The following ALMS1 variants were observed in gnomAD, a reference collection of about 807,000 sequenced individuals.
The protein encoded by ALMS1 is centrosome-associated protein ALMS1.
In ALMS1, 271 loss-of-function variants were observed where a neutral mutation model predicts 352.2. The observed-to-expected ratio is 0.77, with a 90% CI of 0.70 to 0.85. The LOEUF is 0.85. ALMS1 is among the 40% of genes least tolerant of loss of function. The pLI is 0.00. For synonymous variants in ALMS1, 1,865 were observed against 1,761.2 expected (o/e 1.06, Z -1.48); for missense variants, 5,445 against 4,870.7 (o/e 1.12, Z -3.51).
At chr2:73,523,812 G>C (rs1673734904) in intron 11 of ALMS1, among the ~76,000 whole-genome samples, 2 of 152,036 alleles carry the variant, frequency 1.3e-5, no homozygotes, top group South Asian at 4.2e-4. Flanking sequence ...CCAGAGGAGA[G>C]CTCATTCTAC....
At chr2:73,389,570 T>C (rs564333548) in intron 1 of ALMS1, among the ~76,000 whole-genome samples, 3 of 152,310 alleles carry the variant, frequency 2.0e-5, no homozygotes, top group African/African-American at 7.2e-5. Context: ...ATCTTTAATC[T>C]ATCTTGAGTT....
At chr2:73,430,265 A>T (rs1452681960) in intron 6 of ALMS1, among the ~76,000 whole-genome samples, 1 of 151,728 alleles carries the variant, frequency 6.6e-6, no homozygotes, top group African/African-American at 2.4e-5. Flanking sequence ...TTTAGTAGAG[A>T]CGGGGTTTCA....
At chr2:73,541,585 T>C (rs1291114524) in intron 12 of ALMS1, among the ~76,000 whole-genome samples, 2 of 152,146 alleles carry the variant, frequency 1.3e-5, no homozygotes, top group Non-Finnish European at 2.9e-5. Context: ...AGGAGCTGGT[T>C]TTTTGAAAAG....
At chr2:73,592,343 C>T (rs1257709941) in intron 16 of ALMS1, among the ~76,000 whole-genome samples, 1 of 152,196 alleles carries the variant, frequency 6.6e-6, no homozygotes, top group Non-Finnish European at 1.5e-5. Context: ...ATGTATGTCA[C>T]AGCATTATTT....
At chr2:73,583,038 TTG>T (rs1450261320) in intron 16 of ALMS1, among the ~76,000 whole-genome samples, 8 of 133,016 alleles carry the variant, frequency 6.0e-5, no homozygotes, top group African/African-American at 2.4e-4. Flanking sequence ...TTACCAACAC[TTG>T]TTTTTTTTTT....
chr2:73,449,133 C>G lies in ALMS1; in HGVS notation c.2606C>G (p.Ala869Gly). 1 of 1,613,992 alleles carries G rather than the reference C, an allele frequency of 6.2e-7. No individual in the cohort carries two copies. The highest frequency in any genetic ancestry group is 1.7e-5 in the Admixed American group (1 of 59,986). ...TCTTCACTTGGAGAAAAGCCCAGTG[C>G]TTTCTATCAGCAGACCTTACCCAAT... ...ASSSLGEKPS[A>G]FYQQTLPNSH... The change falls in exon 8 of 23, where the codon GCT (alanine) becomes GGT (glycine). Residue 869 changes from alanine to glycine, a missense_variant. By Grantham distance (60) the Ala-to-Gly change is moderately conservative. Coordinates refer to ENST00000613296, the MANE Select transcript of ALMS1 (RefSeq NM_001378454.1).
At chr2:73,542,316 C>G (rs1312609512) in intron 12 of ALMS1, among the ~76,000 whole-genome samples, 2 of 152,170 alleles carry the variant, frequency 1.3e-5, no homozygotes, top group Admixed American at 1.3e-4. Context: ...CAAAATTCAA[C>G]AACCCTTCAT....
chr2:73,603,432 G>T lies in ALMS1; in HGVS notation c.12362+128G>T, dbSNP rs148168930. The stretch of plus-strand genomic sequence containing the variant: ...TAAACATTATGAGAAAGTTGTGAGA[G>T]TCATTTCTCACTTATGGCACTGAAA... On this transcript the variant is annotated intron_variant, in intron 21 of 22. Coordinates refer to ENST00000613296, the MANE Select transcript of ALMS1 (RefSeq NM_001378454.1). The T allele has an allele frequency of 1.3e-3, 1,042 of 804,884 alleles. 11 individuals carry two copies. The African/African-American group carries it at 0.017, about 13-fold the overall frequency. 49.9% of individuals were successfully genotyped at this position (804,884 alleles called of 1,614,324 possible).
chr2:73,478,690 C>A (rs1672631839), intron 9 of ALMS1, among the ~76,000 whole-genome samples: 1 of 150,144 alleles, frequency 6.7e-6, no homozygotes, highest in South Asian at 2.1e-4. Flanking sequence ...ATTTATTTTA[C>A]TTTAAGTTCC....
In ALMS1 at chr2:73,572,807, C is replaced by T. The variant is rs1060500033; in HGVS notation, c.10930C>T (p.Leu3644Phe). 4 of 1,613,922 alleles carry T rather than the reference C, an allele frequency of 2.5e-6. No homozygotes were observed. The highest frequency in any genetic ancestry group is 3.3e-5 in the Admixed American group (2 of 59,966). Reference protein sequence around the residue: ...KILQNPITHSLQVSESTHDDS... With the variant: ...KILQNPITHSFQVSESTHDDS... ...TCTTCAGAATCCAATCACACATTCT[C>T]TCCAGGTCTCAGAAAGTACACATGA... The change falls in exon 16 of 23, where the codon CTC (leucine) becomes TTC (phenylalanine). Residue 3644 changes from leucine to phenylalanine, a missense_variant. Coordinates refer to ENST00000613296, the MANE Select transcript of ALMS1 (RefSeq NM_001378454.1).
intron 11 of ALMS1, among the ~76,000 whole-genome samples, chr2:73,533,852 A>G (rs1673973353): frequency 1.3e-5 from 2 of 152,246 alleles, no homozygotes; most frequent in Admixed American, 1.3e-4. Context: ...AGACATATTA[A>G]TAAGCAATTT....
At chr2:73,538,089 C>A (rs754071393) in intron 12 of ALMS1, among the ~76,000 whole-genome samples, 3 of 152,020 alleles carry the variant, frequency 2.0e-5, no homozygotes, top group Admixed American at 6.5e-5. Flanking sequence ...CTTTTGTACA[C>A]AAAACCCAGT....
chr2:73,410,204 C>T (rs186375424), intron 2 of ALMS1, among the ~76,000 whole-genome samples: 221 of 152,244 alleles, frequency 1.5e-3, no homozygotes, highest in Admixed American at 4.6e-3. Context: ...GCCTGGCCAA[C>T]ATAGTGAAAC....
chr2:73,575,666 G>C (rs1026007786), intron 16 of ALMS1, among the ~76,000 whole-genome samples: 1 of 151,858 alleles, frequency 6.6e-6, no homozygotes, highest in African/African-American at 2.4e-5. Context: ...TTTAAATCTG[G>C]CTGTTTGATT....
At chr2:73,552,330 C>T (rs763152686) in intron 13 of ALMS1, among the ~76,000 whole-genome samples, 64 of 152,300 alleles carry the variant, frequency 4.2e-4, no homozygotes, top group South Asian at 3.5e-3. Flanking sequence ...AATAATTTTA[C>T]AAAATATAGT....
chr2:73,462,466 TGGAAA>T (rs950381289), intron 9 of ALMS1, among the ~76,000 whole-genome samples: 65 of 151,966 alleles, frequency 4.3e-4, no homozygotes, highest in African/African-American at 1.5e-3. Flanking sequence ...GCGCTAAACA[TGGAAA>T]GGAACAACTG....
At chr2:73,427,432 C>T (rs1324056764) in intron 6 of ALMS1, among the ~76,000 whole-genome samples, 1 of 151,934 alleles carries the variant, frequency 6.6e-6, no homozygotes, top group African/African-American at 2.4e-5. Flanking sequence ...ATCATTATTA[C>T]CATTGTGTGT....
chr2:73,503,282 T>A (rs941128617), intron 10 of ALMS1, among the ~76,000 whole-genome samples: 1 of 151,914 alleles, frequency 6.6e-6, no homozygotes, highest in African/African-American at 2.4e-5. Context: ...CAGAGTGTGA[T>A]GTTCCCCTTC....
intron 9 of ALMS1, chr2:73,458,032 T>TAAAAAAAAA (rs1194206163): frequency 5.4e-4 from 2 of 3,696 alleles, no homozygotes; most frequent in African/African-American, 1.9e-3. Flanking sequence ...AGACTTTGTC[T>TAAAAAAAAA]CAAAAAAAAA....
Sources: allele counts gnomAD v4.1 joint callset (sites outside exome capture counted in the v4.1 genomes callset), GRCh38; gene constraint gnomAD v4.1.1; transcripts MANE v1.5; gene names NCBI Gene and HGNC (gene_info 2026-07-23, HGNC 2026-07-21).